PRKG1: variants seen among roughly 807,000 people sequenced by gnomAD.
PRKG1 encodes protein kinase cGMP-dependent 1, also known as cGMP-dependent protein kinase 1.
PRKG1 carries 35 observed loss-of-function variants against 88.1 expected under a neutral mutation model. That is an observed-to-expected ratio of 0.40 (90% CI 0.30 to 0.53). PRKG1 has a LOEUF of 0.53. PRKG1 is among the 20% of genes least tolerant of loss of function. The pLI is 0.59. For synonymous variants in PRKG1, 303 were observed against 292.5 expected, an observed-to-expected ratio of 1.04 and a Z score of -0.37; for missense variants, 540 against 839.8, an observed-to-expected ratio of 0.64 and a Z score of 4.41.
intron 5 of PRKG1, among the ~76,000 whole-genome samples, chr10:51,987,855 A>C (rs184414593): frequency 6.6e-6 from 1 of 152,204 alleles, no homozygotes; most frequent in East Asian, 1.9e-4. Context: ...GAAAACGGCC[A>C]CAAGGAGCAA....
chr10:51,952,910 T>C (rs1156474017), intron 5 of PRKG1, among the ~76,000 whole-genome samples: 3 of 152,204 alleles, frequency 2.0e-5, no homozygotes, highest in Non-Finnish European at 4.4e-5. Flanking sequence ...ATACAGAGCC[T>C]GGGACAGTGT....
At chr10:51,758,121 G>GAA in intron 3 of PRKG1, among the ~76,000 whole-genome samples, 1 of 152,216 alleles carries the variant, frequency 6.6e-6, no homozygotes, top group South Asian at 2.1e-4. Flanking sequence ...TAGGATGTAG[G>GAA]AAACAGTCTA....
intron 3 of PRKG1, among the ~76,000 whole-genome samples, chr10:51,625,098 G>T (rs1427763797): frequency 6.6e-6 from 1 of 152,172 alleles, no homozygotes; most frequent in East Asian, 1.9e-4. Flanking sequence ...AAAGTGATGG[G>T]TATGGTAATT....
rs551396460 is a variant in PRKG1 at position 52,000,216 on chromosome 10, G to A, written c.763-54268G>A. On this transcript the variant is annotated intron_variant, in intron 5 of 17. Transcript: ENST00000373980. ...TGTTTAGCTGCATTGTTTTATGATA[G>A]GACATTAGAAGGCAGGAGAGGATAA... Among the ~76,000 whole-genome samples the A allele has an allele frequency of 2.0e-5, 3 of 152,056 alleles. No homozygotes were observed. In the South Asian group the frequency reaches 6.2e-4, roughly 32 times the overall value.
At chr10:51,091,642 T>G (rs1385393129) in intron 1 of PRKG1, among the ~76,000 whole-genome samples, 1 of 152,130 alleles carries the variant, frequency 6.6e-6, no homozygotes, top group Non-Finnish European at 1.5e-5. Flanking sequence ...TGTTGTTGTT[T>G]TTGGAGAATT....
chr10:51,111,188 G>A (rs1844971346), intron 1 of PRKG1, among the ~76,000 whole-genome samples: 1 of 152,098 alleles, frequency 6.6e-6, no homozygotes, highest in Admixed American at 6.6e-5. Context: ...TATGCAGTAG[G>A]TGGGCAGTAA....
intron 2 of PRKG1, among the ~76,000 whole-genome samples, chr10:51,448,581 T>C (rs1347826688): frequency 5.9e-5 from 9 of 152,218 alleles, no homozygotes; most frequent in Non-Finnish European, 2.9e-5. Context: ...CTTGTAATAT[T>C]TTTTCAATAG....
At chr10:51,653,031 C>A (rs1190055980) in intron 3 of PRKG1, among the ~76,000 whole-genome samples, 1 of 152,172 alleles carries the variant, frequency 6.6e-6, no homozygotes, top group Non-Finnish European at 1.5e-5. Flanking sequence ...CATGTTGTCA[C>A]AAATGACAAG....
intron 2 of PRKG1, among the ~76,000 whole-genome samples, chr10:51,374,112 A>ATATATATATATATATATGTG (rs886440031): frequency 2.1e-5 from 3 of 143,800 alleles, no homozygotes; most frequent in African/African-American, 7.6e-5. Context: ...ATATATATAT[A>ATATATATATATATATATGTG]TGTACTTTAA....
intron 1 of PRKG1, among the ~76,000 whole-genome samples, chr10:51,022,936 G>C (rs1165022716): frequency 6.6e-6 from 1 of 152,196 alleles, no homozygotes; most frequent in Non-Finnish European, 1.5e-5. Context: ...GGTGGAGGTT[G>C]TAGTAAGCCA....
chr10:52,139,174 A>G (rs1251591352), intron 8 of PRKG1, among the ~76,000 whole-genome samples: 1 of 152,136 alleles, frequency 6.6e-6, no homozygotes, highest in Non-Finnish European at 1.5e-5. Flanking sequence ...TGTGTCAGGT[A>G]CTGGGATACT....
chr10:52,109,840 A>G (rs1164248667), intron 7 of PRKG1, among the ~76,000 whole-genome samples: 2 of 152,034 alleles, frequency 1.3e-5, no homozygotes, highest in African/African-American at 4.8e-5. Context: ...ACTGCCTTAC[A>G]TAGGTCATAT....
chr10:52,158,195 T>C (rs1241179474), intron 8 of PRKG1, among the ~76,000 whole-genome samples: 3 of 151,732 alleles, frequency 2.0e-5, no homozygotes, highest in Non-Finnish European at 4.4e-5. Context: ...TTAATGATTT[T>C]TCTGTAGTCA....
At chr10:51,766,290 G>T (rs772925645) in intron 3 of PRKG1, among the ~76,000 whole-genome samples, 1 of 152,128 alleles carries the variant, frequency 6.6e-6, no homozygotes, top group South Asian at 2.1e-4. Context: ...CACATTTCTG[G>T]TATCTCCACC....
Position 51,163,555 on chromosome 10 carries a change from C to T in PRKG1, c.478+10225C>T, listed in dbSNP as rs1025105609. On this transcript the variant is annotated intron_variant, in intron 2 of 17. Transcript: ENST00000373980. Reference sequence around the variant, plus strand: ...AATGGGCGCAAGACAGTGGGTGCCGCGCACCCGCACCATGTGCGAGCCGAA... The same window carrying T: ...AATGGGCGCAAGACAGTGGGTGCCGTGCACCCGCACCATGTGCGAGCCGAA... Among the ~76,000 whole-genome samples, 19 of 152,146 alleles carry T rather than the reference C, an allele frequency of 1.2e-4. No individual in the cohort carries two copies. In the East Asian group the frequency reaches 2.5e-3, roughly 20 times the overall value.
At chr10:51,185,005 C>T (rs1837449079) in intron 2 of PRKG1, among the ~76,000 whole-genome samples, 1 of 152,138 alleles carries the variant, frequency 6.6e-6, no homozygotes, top group Admixed American at 6.5e-5. Flanking sequence ...ATTAACTTTA[C>T]AGGACAGCCA....
At chr10:51,933,387 A>G (rs928977356) in intron 5 of PRKG1, among the ~76,000 whole-genome samples, 8 of 152,168 alleles carry the variant, frequency 5.3e-5, no homozygotes, top group African/African-American at 1.9e-4. Context: ...ATCTGGTCCC[A>G]TTATTCAATT....
chr10:51,695,200 G>A (rs532439893), intron 3 of PRKG1, among the ~76,000 whole-genome samples: 3 of 152,252 alleles, frequency 2.0e-5, no homozygotes, highest in Admixed American at 6.5e-5. Context: ...AGATAGCTAC[G>A]AGGTGCTATT....
At chr10:51,970,896 G>A (rs182311932) in intron 5 of PRKG1, among the ~76,000 whole-genome samples, 177 of 149,504 alleles carry the variant, frequency 1.2e-3, no homozygotes, top group Non-Finnish European at 2.4e-3. Flanking sequence ...AGAAAATATG[G>A]ACTAGAGTAT....
Sources: gnomAD v4.1 joint callset for allele counts (sites outside exome capture counted in the v4.1 genomes callset) on GRCh38, gnomAD v4.1.1 for gene constraint, MANE v1.5 for transcripts, NCBI Gene and HGNC (gene_info 2026-07-23, HGNC 2026-07-21) for gene names.